The following SMIM5 variants were observed in gnomAD, a reference collection of about 807,000 sequenced individuals.
The protein encoded by SMIM5 is small integral membrane protein 5.
SMIM5 carries 4 observed loss-of-function variants against 4.0 expected under a neutral mutation model. The ratio of observed to expected loss-of-function variants is 1.01; its 90% confidence interval spans 0.50 to 2.30. The LOEUF (loss-of-function observed/expected upper bound fraction) is 2.30. Ranked by LOEUF, SMIM5 falls within the 30% of genes most tolerant of loss-of-function variation. The probability of loss-of-function intolerance (pLI) is 0.02; values close to 1 mark genes in which losing one functional copy is unlikely to be tolerated. For missense variants in SMIM5, 107 were observed against 99.2 expected (o/e 1.08, Z -0.34); for synonymous variants, 46 against 43.6 (o/e 1.05, Z -0.22).
At chr17:75,638,455 T>A (rs1270119435) in intron 1 of SMIM5, 1 of 152,350 alleles carries the variant, frequency 6.6e-6, no homozygotes, top group African/African-American at 2.4e-5. Flanking sequence ...CACTCTAGCT[T>A]GGGCAACAAG....
chr17:75,640,718 G>A lies in SMIM5; in HGVS notation c.128-73G>A. 6.6e-7 allele frequency: 1 copy of A among 1,519,908 alleles called. No individual in the cohort carries two copies. Among genetic ancestry groups the A allele is most frequent in the Non-Finnish European group, 8.9e-7 (1 of 1,128,778 alleles). The allele number at this position is 1,519,908 out of a possible 1,614,324, so 94.2% of individuals were successfully genotyped here. A position where few individuals can be genotyped will look rare whatever the true frequency, so the allele number is the denominator to read the frequency against. ...GGGGAAAGACCCTGGCAGGCAGTGG[G>A]TTTCTCTGGGAGGAGGGTGGGCATC... On this transcript the variant is annotated intron_variant, in intron 2 of 2. Transcript: ENST00000375215. This position sits in a 1 kb window ranked among gnomAD's most constrained non-coding sequence, Gnocchi z 4.6.
intron 1 of SMIM5, chr17:75,637,325 T>C (rs1402653104): frequency 6.6e-6 from 1 of 152,390 alleles, no homozygotes; most frequent in South Asian, 2.1e-4. Context: ...ACAGTGCCAG[T>C]CAGGCTGAAA....
At chr17:75,634,708 T>A (rs2148256923) in intron 1 of SMIM5, among the ~76,000 whole-genome samples, 1 of 152,300 alleles carries the variant, frequency 6.6e-6, no homozygotes, top group South Asian at 2.1e-4. Context: ...TCACTGCTGG[T>A]GTTCTCAGCT....
In SMIM5 at chr17:75,633,636, T is replaced by C. The variant is rs1210962699; in HGVS notation, c.-603T>C. On this transcript the variant is annotated 5_prime_UTR_variant, in exon 1 of 3. Transcript: ENST00000375215. ...GCCACCAGCTCCCCACTGTTTACTG[T>C]TGTTCCTGAGAGAGGCCAGAGGGAG... is the stretch of plus-strand genomic sequence containing the variant. 39 of 1,189,350 alleles carry C rather than the reference T, an allele frequency of 3.3e-5. 1 individual carries two copies. Among genetic ancestry groups the C allele is most frequent in the Non-Finnish European group, 3.4e-5 (32 of 939,990 alleles). 73.7% of individuals were successfully genotyped at this position (1,189,350 alleles called of 1,614,324 possible). A position where few individuals can be genotyped will look rare whatever the true frequency, so the allele number is the denominator to read the frequency against.
rs957484801 is a variant in SMIM5 at position 75,641,172 on chromosome 17, T to C, written c.*275T>C. The C allele has an allele frequency of 2.3e-5, 10 of 434,538 alleles. No individual in the cohort carries two copies. Among genetic ancestry groups the C allele is most frequent in the African/African-American group, 5.9e-5 (3 of 50,834 alleles). 26.9% of individuals were successfully genotyped at this position (434,538 alleles called of 1,614,324 possible). ...AACTGCCTGGGCTTCTTCGCCTACC[T>C]GCACTTTTTAACAAAACAAGGAAGT... On this transcript the variant is annotated 3_prime_UTR_variant, in exon 3 of 3. Coordinates refer to ENST00000375215, the MANE Select transcript of SMIM5 (RefSeq NM_001162995.3).
In SMIM5 at chr17:75,640,891, A is replaced by G. The variant is rs929029254; in HGVS notation, c.228A>G (p.Pro76=). The change falls in exon 3 of 3, where the codon CCA becomes CCG. Residue 76 remains proline (P), a synonymous_variant. Coordinates refer to ENST00000375215, the MANE Select transcript of SMIM5 (RefSeq NM_001162995.3). This position sits in a 1 kb window ranked among gnomAD's most constrained non-coding sequence, Gnocchi z 4.6. ...GGAAGGTCCAGGTGCAGCCGACACC[A>G]CCATGACGGACGGGCGATGGCTGAG... The part of the protein sequence containing the change: ...RGRKVQVQPT[P]P The G allele has an allele frequency of 1.3e-6, 2 of 1,544,216 alleles. No homozygotes were observed. Among genetic ancestry groups the G allele is most frequent in the African/African-American group, 2.7e-5 (2 of 73,048 alleles).
rs1041554596 is a variant in SMIM5 at position 75,640,197 on chromosome 17, G to A, written c.-5G>A. On this transcript the variant is annotated 5_prime_UTR_variant, in exon 2 of 3. Transcript: ENST00000375215. This position sits in a 1 kb window ranked among gnomAD's most constrained non-coding sequence, Gnocchi z 4.6. ...GCAGGAGCCCCAACAGGAAGCCAGC[G>A]CGGCATGGCTGCCACCGACTTCGTG... is the stretch of plus-strand genomic sequence containing the variant. 1.2e-5 allele frequency: 19 copies of A among 1,545,464 alleles called. No individual in the cohort carries two copies. In the East Asian group the frequency reaches 2.2e-4, roughly 18 times the overall value.
At position 75,634,033 on chromosome 17, in the gene SMIM5, G is replaced by A. The variant is rs1275652563; in HGVS notation, c.-206G>A. The stretch of plus-strand genomic sequence containing the variant: ...CGGTAATTTGACACTTGGATCTCCA[G>A]GACGACCAACAACAAAAAAGCCAGG... On this transcript the variant is annotated 5_prime_UTR_variant, in exon 1 of 3. Coordinates refer to ENST00000375215, the MANE Select transcript of SMIM5 (RefSeq NM_001162995.3). The A allele has an allele frequency of 2.0e-6, 2 of 985,508 alleles. No homozygotes were observed. Among genetic ancestry groups the A allele is most frequent in the African/African-American group, 1.7e-5 (1 of 57,246 alleles). The allele number at this position is 985,508 out of a possible 1,614,324, so 61.0% of individuals were successfully genotyped here.
intron 1 of SMIM5, chr17:75,637,806 C>CA (rs1399076523): frequency 6.6e-5 from 10 of 152,444 alleles, no homozygotes; most frequent in Admixed American, 6.5e-4. Context: ...GCAGTACCCT[C>CA]AGCGGGGCTG....
chr17:75,640,460 G>GCTTCCCCCAA lies in SMIM5; in HGVS notation c.127+132_127+133insCTTCCCCCAA. On this transcript the variant is annotated intron_variant, in intron 2 of 2. Coordinates refer to ENST00000375215, the MANE Select transcript of SMIM5 (RefSeq NM_001162995.3). The surrounding 1 kb of genome is among the most constrained non-coding windows in gnomAD (Gnocchi z 4.6). The stretch of plus-strand genomic sequence containing the variant: ...AAGGAGGAAAACCAGTTGTCCCTTG[G>GCTTCCCCCAA]GGGAAGCCAAGGGACTTCCCTCATC... 1.5e-6 allele frequency: 2 copies of GCTTCCCCCAA among 1,377,634 alleles called. No homozygotes were observed. The highest frequency in any genetic ancestry group is 1.9e-6 in the Non-Finnish European group (2 of 1,041,214). The allele number at this position is 1,377,634 out of a possible 1,614,324, so 85.3% of individuals were successfully genotyped here.
At chr17:75,638,060 C>T (rs1172044204) in intron 1 of SMIM5, 2 of 152,218 alleles carry the variant, frequency 1.3e-5, no homozygotes, top group East Asian at 1.9e-4. Context: ...TCCACAGAAA[C>T]GCACTCACTC....
Position 75,640,022 on chromosome 17 carries a change from A to C in SMIM5, c.-36-144A>C. 1 of 810,618 alleles carries C rather than the reference A, an allele frequency of 1.2e-6. No homozygotes were observed. The highest frequency in any genetic ancestry group is 1.8e-6 in the Non-Finnish European group (1 of 542,124). 50.2% of individuals were successfully genotyped at this position (810,618 alleles called of 1,614,324 possible). On this transcript the variant is annotated intron_variant, in intron 1 of 2. Coordinates refer to ENST00000375215, the MANE Select transcript of SMIM5 (RefSeq NM_001162995.3). This position sits in a 1 kb window ranked among gnomAD's most constrained non-coding sequence, Gnocchi z 4.6. ...TGGGTGGGGACTGAGGGCCACCACTAGGTGGAAGTCACCAGGGGTGCAATG... is the reference window on the plus strand; with the variant it reads ...TGGGTGGGGACTGAGGGCCACCACTCGGTGGAAGTCACCAGGGGTGCAATG...
In SMIM5 at chr17:75,634,169, A is replaced by C; in HGVS notation, c.-70A>C. On this transcript the variant is annotated 5_prime_UTR_variant, in exon 1 of 3. Transcript: ENST00000375215. ...GCACGTGGAGGCTCCGCGCTGGGGCACTGCTGCTCAGCCCCCAACACCTGA... is the reference window on the plus strand; with the variant it reads ...GCACGTGGAGGCTCCGCGCTGGGGCCCTGCTGCTCAGCCCCCAACACCTGA... The C allele has an allele frequency of 7.1e-6, 7 of 985,452 alleles. No homozygotes were observed. The highest frequency in any genetic ancestry group is 1.7e-5 in the African/African-American group (1 of 57,364). 61.0% of individuals were successfully genotyped at this position (985,452 alleles called of 1,614,324 possible).
chr17:75,641,209 T>G lies in SMIM5; in HGVS notation c.*312T>G. On this transcript the variant is annotated 3_prime_UTR_variant, in exon 3 of 3. Coordinates refer to ENST00000375215, the MANE Select transcript of SMIM5 (RefSeq NM_001162995.3). ...CAAAACAAGGAAGTAGGGGTCCCCA[T>G]ACCTTGATGGAGAACAGTCCCCACC... 3.2e-6 allele frequency: 1 copy of G among 313,140 alleles called. No homozygotes were observed. The allele number at this position is 313,140 out of a possible 1,614,324, so 19.4% of individuals were successfully genotyped here. A position where few individuals can be genotyped will look rare whatever the true frequency, so the allele number is the denominator to read the frequency against.
At position 75,634,001 on chromosome 17, in the gene SMIM5, C is replaced by T. The variant is rs974174511; in HGVS notation, c.-238C>T. 18 of 985,434 alleles carry T rather than the reference C, an allele frequency of 1.8e-5. 2 individuals are homozygous for T. The South Asian group carries it at 2.8e-4, about 15-fold the overall frequency. 61.0% of individuals were successfully genotyped at this position (985,434 alleles called of 1,614,324 possible). On this transcript the variant is annotated 5_prime_UTR_variant, in exon 1 of 3. Coordinates refer to ENST00000375215, the MANE Select transcript of SMIM5 (RefSeq NM_001162995.3). The stretch of plus-strand genomic sequence containing the variant: ...CAAGCAGGGCTTCCTCGGGCTCCCC[C>T]TCGCGACGGTAATTTGACACTTGGA...
rs957513668 is a variant in SMIM5, at chr17:75,636,301, G to A, written c.-37+2099G>A. ...GGTGGGCACTACCAAGCGTGGGGTT[G>A]GGAGGGACTGGTTGCCCTGGTTCGC... On this transcript the variant is annotated intron_variant, in intron 1 of 2. Transcript: ENST00000375215. The surrounding 1 kb of genome is among the most constrained non-coding windows in gnomAD (Gnocchi z 5.4). Among the ~76,000 whole-genome samples, 1 of 152,198 alleles carries A rather than the reference G, an allele frequency of 6.6e-6. No homozygotes were observed. Among genetic ancestry groups the A allele is most frequent in the Non-Finnish European group, 1.5e-5 (1 of 68,032 alleles).
intron 1 of SMIM5, chr17:75,637,658 T>C (rs913704381): frequency 6.6e-6 from 1 of 152,306 alleles, no homozygotes; most frequent in African/African-American, 2.4e-5. Flanking sequence ...AAGAGCCTGG[T>C]GTGGCCCCGG....
In SMIM5 at chr17:75,640,184, A is replaced by G. The variant is rs1410994714; in HGVS notation, c.-18A>G. On this transcript the variant is annotated 5_prime_UTR_variant, in exon 2 of 3. Coordinates refer to ENST00000375215, the MANE Select transcript of SMIM5 (RefSeq NM_001162995.3). The surrounding 1 kb of genome is among the most constrained non-coding windows in gnomAD (Gnocchi z 4.6). ...CCAGCAGAGCCCGGCAGGAGCCCCA[A>G]CAGGAAGCCAGCGCGGCATGGCTGC... 15 of 1,538,844 alleles carry G rather than the reference A, an allele frequency of 9.7e-6. No individual in the cohort carries two copies. In the African/African-American group the frequency reaches 1.5e-4, roughly 16 times the overall value.
chr17:75,640,178 GCC>G lies in SMIM5; in HGVS notation c.-21_-20del. 1 of 1,534,700 alleles carries G rather than the reference GCC, an allele frequency of 6.5e-7. No individual in the cohort carries two copies. The highest frequency in any genetic ancestry group is 8.8e-7 in the Non-Finnish European group (1 of 1,140,568). On this transcript the variant is annotated 5_prime_UTR_variant, in exon 2 of 3. Transcript: ENST00000375215. The surrounding 1 kb of genome is among the most constrained non-coding windows in gnomAD (Gnocchi z 4.6). ...TCTGCCCCAGCAGAGCCCGGCAGGA[GCC>G]CCAACAGGAAGCCAGCGCGGCATGG...
Sources: gnomAD v4.1 joint callset for allele counts (sites outside exome capture counted in the v4.1 genomes callset) on GRCh38, gnomAD v4.1.1 for gene constraint, Gnocchi (gnomAD v3.1) non-coding constraint, MANE v1.5 for transcripts, NCBI Gene and HGNC (gene_info 2026-07-23, HGNC 2026-07-21) for gene names.